Variants in GPHN observed in about 807,000 individuals in gnomAD.
GPHN encodes the protein gephyrin.
A neutral mutation model predicts 95.5 loss-of-function variants in GPHN; 17 were observed. The ratio of observed to expected loss-of-function variants is 0.18; its 90% CI spans 0.12 to 0.27. GPHN has a LOEUF of 0.27. Ranked by LOEUF, GPHN falls within the 10% of genes least tolerant of loss-of-function variation. GPHN has a pLI of 1.00. For synonymous variants in GPHN, 320 were observed against 322.5 expected (o/e 0.99, Z 0.08); for missense variants, 660 against 978.1 (o/e 0.67, Z 4.34).
chr14:66,844,093 G>C (rs1470536235), intron 4 of GPHN, among the ~76,000 whole-genome samples: 1 of 151,868 alleles, frequency 6.6e-6, no homozygotes, highest in African/African-American at 2.4e-5. Flanking sequence ...ATAATTCTTT[G>C]TAGTTTAGAT....
chr14:67,069,696 T>G (rs1454319193), intron 11 of GPHN, among the ~76,000 whole-genome samples: 2 of 152,186 alleles, frequency 1.3e-5, no homozygotes, highest in South Asian at 2.1e-4. Context: ...CAGCAAAAGC[T>G]AAAATTGGCT....
intron 3 of GPHN, among the ~76,000 whole-genome samples, chr14:66,786,189 T>C (rs1246351641): frequency 6.6e-6 from 1 of 152,108 alleles, no homozygotes; most frequent in African/African-American, 2.4e-5. Context: ...ACCAATGTCA[T>C]GAATAAAACA....
At chr14:66,837,386 T>C (rs185157130) in intron 4 of GPHN, among the ~76,000 whole-genome samples, 22,069 of 137,766 alleles carry the variant, frequency 0.16, 3,336 homozygotes, top group East Asian at 0.45. Context: ...TAGGTGGGAA[T>C]TGAACAATGA....
the GPHN span, among the ~76,000 whole-genome samples, chr14:67,330,146 A>G: frequency 6.8e-6 from 1 of 147,412 alleles, no homozygotes; most frequent in South Asian, 2.1e-4. Flanking sequence ...ATAAATAATA[A>G]TAATAATAAT....
the GPHN span, among the ~76,000 whole-genome samples, chr14:67,227,940 C>T: frequency 3.3e-5 from 5 of 151,982 alleles, no homozygotes; most frequent in East Asian, 1.9e-4. Flanking sequence ...GAGGCCAAGG[C>T]GGGTGGATCA....
At chr14:67,732,051 T>C in the GPHN span, among the ~76,000 whole-genome samples, 3 of 144,228 alleles carry the variant, frequency 2.1e-5, no homozygotes, top group African/African-American at 7.8e-5. Context: ...CACTTGAACC[T>C]GGGAGGCGGA....
intron 6 of GPHN, among the ~76,000 whole-genome samples, chr14:66,918,917 GA>G (rs2066057798): frequency 6.6e-6 from 1 of 151,958 alleles, no homozygotes. Flanking sequence ...AAATTTTTAA[GA>G]TTTTTTTTTT....
intron 1 of GPHN, among the ~76,000 whole-genome samples, chr14:66,540,268 G>T (rs1490044184): frequency 6.6e-6 from 1 of 152,162 alleles, no homozygotes; most frequent in African/African-American, 2.4e-5. Flanking sequence ...ATACACAGTG[G>T]CTCTTAAAAC....
chr14:67,585,714 C>T, the GPHN span: 2 of 1,289,360 alleles, frequency 1.6e-6, no homozygotes, highest in Non-Finnish European at 2.2e-6. Flanking sequence ...GTCTTTTCTT[C>T]TCCTCTGTGG....
chr14:67,130,310 A>T (rs1046851000), intron 17 of GPHN, among the ~76,000 whole-genome samples: 1 of 152,026 alleles, frequency 6.6e-6, no homozygotes, highest in African/African-American at 2.4e-5. Flanking sequence ...TATTGTTGCC[A>T]TCATTATGTT....
chr14:67,624,046 G>T, the GPHN span, among the ~76,000 whole-genome samples: 2 of 151,940 alleles, frequency 1.3e-5, no homozygotes, highest in South Asian at 2.1e-4. Flanking sequence ...TCACTATGTT[G>T]CCCAGGCTGG....
At chr14:67,196,717 C>T in the GPHN span, 1 of 152,204 alleles carries the variant, frequency 6.6e-6, no homozygotes, top group Admixed American at 6.5e-5. Flanking sequence ...CAATTATGAG[C>T]TATGGACTCA....
chr14:67,151,237 T>A (rs17248357), intron 18 of GPHN, among the ~76,000 whole-genome samples: 38,137 of 152,078 alleles, frequency 0.25, 9,658 homozygotes, highest in African/African-American at 0.62. Flanking sequence ...GAGCTGTAAG[T>A]CAAGAGTAAA....
At chr14:66,818,292 G>A (rs766119311) in intron 3 of GPHN, among the ~76,000 whole-genome samples, 1 of 151,966 alleles carries the variant, frequency 6.6e-6, no homozygotes, top group Admixed American at 6.6e-5. Context: ...GCCCCACTGT[G>A]TGTTGTTCCC....
chr14:67,484,592 A>G, the GPHN span, among the ~76,000 whole-genome samples: 1 of 152,150 alleles, frequency 6.6e-6, no homozygotes, highest in East Asian at 1.9e-4. Flanking sequence ...TCCGGATTCA[A>G]TTTTATTTTT....
At chr14:67,690,465 G>A in the GPHN span, 18 of 1,556,682 alleles carry the variant, frequency 1.2e-5, no homozygotes, top group South Asian at 2.0e-4. Context: ...GGCCATGTAG[G>A]AATGACAGGA....
At chr14:67,574,273 C>T in the GPHN span, 86 of 1,608,320 alleles carry the variant, frequency 5.3e-5, no homozygotes, top group African/African-American at 6.8e-4. This position sits in a 1 kb window ranked among gnomAD's most constrained non-coding sequence, Gnocchi z 4.2. Context: ...TACTACCTGA[C>T]GGCCGATTCA....
intron 1 of GPHN, among the ~76,000 whole-genome samples, chr14:66,561,354 G>A (rs1034550618): frequency 2.0e-5 from 3 of 152,146 alleles, no homozygotes; most frequent in African/African-American, 7.2e-5. Flanking sequence ...GAATTCGGCT[G>A]AATCCATCTG....
the GPHN span, among the ~76,000 whole-genome samples, chr14:67,206,740 A>G: frequency 2.0e-5 from 3 of 151,672 alleles, no homozygotes; most frequent in African/African-American, 7.3e-5. Flanking sequence ...TATTATTATT[A>G]TTATTATTTT....
Sources: allele counts gnomAD v4.1 joint callset (sites outside exome capture counted in the v4.1 genomes callset), GRCh38; gene constraint gnomAD v4.1.1; non-coding constraint Gnocchi (gnomAD v3.1); transcripts MANE v1.5; gene names NCBI Gene and HGNC (gene_info 2026-07-23, HGNC 2026-07-21).